TP53BP1: variants seen among roughly 807,000 people sequenced by gnomAD.
TP53BP1 encodes the protein tumor protein p53 binding protein 1, also known as TP53-binding protein 1.
TP53BP1 carries 61 observed loss-of-function variants against 200.8 expected under a neutral mutation model. The ratio of observed to expected loss-of-function variants is 0.30; its 90% CI spans 0.25 to 0.38. The LOEUF (loss-of-function observed/expected upper bound fraction) is 0.38. TP53BP1 is among the 10% of genes least tolerant of loss of function. The probability of loss-of-function intolerance (pLI) is 1.00; values close to 1 mark genes in which losing one functional copy is unlikely to be tolerated. For missense variants in TP53BP1, 2,144 were observed against 2,371.9 expected (o/e 0.90, Z 2.00); for synonymous variants, 822 against 844.3 (o/e 0.97, Z 0.46).
chr15:43,465,543 T>C (rs1042613610), intron 11 of TP53BP1, among the ~76,000 whole-genome samples: 2 of 151,806 alleles, frequency 1.3e-5, no homozygotes, highest in East Asian at 1.9e-4. Flanking sequence ...GATAGTCCAT[T>C]AAAAAAAGAA....
intron 1 of TP53BP1, among the ~76,000 whole-genome samples, chr15:43,499,601 GCTAA>G (rs1311407740): frequency 6.6e-6 from 1 of 152,138 alleles, no homozygotes; most frequent in African/African-American, 2.4e-5. Flanking sequence ...GAGCTAGTGT[GCTAA>G]CTAACAAGTG....
At chr15:43,485,660 A>G (rs187927582) in intron 4 of TP53BP1, among the ~76,000 whole-genome samples, 271 of 150,554 alleles carry the variant, frequency 1.8e-3, no homozygotes, top group African/African-American at 6.5e-3. Context: ...CTGGCCAACA[A>G]GGTGAAACCC....
intron 12 of TP53BP1, among the ~76,000 whole-genome samples, chr15:43,448,270 C>CA (rs915722453): frequency 1.3e-5 from 2 of 152,234 alleles, no homozygotes; most frequent in South Asian, 2.1e-4. Context: ...AGAAAACCGT[C>CA]AAAAAATCAC....
intron 18 of TP53BP1, among the ~76,000 whole-genome samples, chr15:43,425,841 G>A (rs982534187): frequency 3.3e-5 from 5 of 152,074 alleles, no homozygotes; most frequent in African/African-American, 4.8e-5. Context: ...TGAGGCAGGC[G>A]GATCACGAGG....
chr15:43,461,233 T>A (rs1258759624), intron 11 of TP53BP1, among the ~76,000 whole-genome samples: 1 of 149,726 alleles, frequency 6.7e-6, no homozygotes, highest in Non-Finnish European at 1.5e-5. Flanking sequence ...ATTTTATTTT[T>A]TTTTTGAGAC....
intron 12 of TP53BP1, among the ~76,000 whole-genome samples, chr15:43,454,296 C>T (rs2046241905): frequency 6.6e-6 from 1 of 152,112 alleles, no homozygotes; most frequent in South Asian, 2.1e-4. Context: ...TTCATTTCAT[C>T]CTAAAAACTT....
chr15:43,458,046 TAA>T (rs1347825937), intron 11 of TP53BP1, among the ~76,000 whole-genome samples: 3 of 151,788 alleles, frequency 2.0e-5, no homozygotes. Context: ...ATACTAATAA[TAA>T]TAAATAAAAT....
In TP53BP1 at chr15:43,427,300, G is replaced by C. The variant is rs184103812; in HGVS notation, c.3828+716C>G. 7.2e-5 allele frequency among the ~76,000 whole-genome samples: 11 copies of C among 152,318 alleles called. No individual in the cohort carries two copies. In the East Asian group the frequency reaches 1.9e-3, roughly 27 times the overall value. On this transcript the variant is annotated intron_variant, in intron 18 of 27. Transcript: ENST00000382044. Reference sequence around the variant, plus strand: ...ACCAACAGGTCTATGACCACACACAGATAGTGACAAATAAAGAACAGAATG... The same window carrying C: ...ACCAACAGGTCTATGACCACACACACATAGTGACAAATAAAGAACAGAATG...
Position 43,409,703 on chromosome 15 carries a change from C to G in TP53BP1, c.5344G>C (p.Glu1782Gln). ...EIPPFNKQYT[E>Q]SQLRAGAGYI... ...CCAGCTCCTGCTCGAAGCTGGGATTCTGTATACTGCTTGTTGAAAGGAGGA... is the reference window on the plus strand; with the variant it reads ...CCAGCTCCTGCTCGAAGCTGGGATTGTGTATACTGCTTGTTGAAAGGAGGA... The change falls in exon 25 of 28, where the codon GAA (glutamate) becomes CAA (glutamine). Residue 1782 changes from glutamate to glutamine, a missense_variant. Glu to Gln is a conservative substitution (Grantham distance 29, BLOSUM62 2). Around this residue, in one of 4 missense-constraint regions of TP53BP1, gnomAD observed 334 missense variants for 453.4 expected, o/e 0.74. Coordinates refer to ENST00000382044, the MANE Select transcript of TP53BP1 (RefSeq NM_001141980.3). The G allele has an allele frequency of 1.3e-6, 2 of 1,571,196 alleles. No homozygotes were observed. Among genetic ancestry groups the G allele is most frequent in the Non-Finnish European group, 1.7e-6 (2 of 1,161,292 alleles).
At chr15:43,408,311 C>G in intron 26 of TP53BP1, 2 of 448,466 alleles carry the variant, frequency 4.5e-6, no homozygotes, top group African/African-American at 2.0e-5. Context: ...GACCCCATCT[C>G]TACAAAAGAC....
intron 18 of TP53BP1, among the ~76,000 whole-genome samples, chr15:43,423,178 C>T (rs1259015567): frequency 6.7e-6 from 1 of 148,636 alleles, no homozygotes; most frequent in Non-Finnish European, 1.5e-5. Flanking sequence ...GGCTAAATCC[C>T]AGACTTAGTG....
At chr15:43,479,341 C>A in intron 7 of TP53BP1, 56 bp downstream of exon 7, 1 of 1,480,144 alleles carries the variant, frequency 6.8e-7, no homozygotes, top group African/African-American at 1.4e-5. Context: ...GGTAAAATGA[C>A]ATTAGTATAA....
At chr15:43,409,871 C>A in intron 24 of TP53BP1, 130 bp from the exon 25 acceptor site, 1 of 462,424 alleles carries the variant, frequency 2.2e-6, no homozygotes, top group Non-Finnish European at 3.8e-6. Context: ...AAAGACAGGC[C>A]AAGGGCTTCC....
chr15:43,438,550 G>C lies in TP53BP1; in HGVS notation c.3099-134C>G, dbSNP rs1225359619. Reference sequence around the variant, plus strand: ...ACTCCAAACCACCTTACACCAAAATGCAAATTCTCCATACTTGTTTTGAAT... The same window carrying C: ...ACTCCAAACCACCTTACACCAAAATCCAAATTCTCCATACTTGTTTTGAAT... On this transcript the variant is annotated intron_variant, in intron 15 of 27. Coordinates refer to ENST00000382044, the MANE Select transcript of TP53BP1 (RefSeq NM_001141980.3). The C allele has an allele frequency of 1.1e-5, 7 of 617,632 alleles. No homozygotes were observed. The African/African-American group carries it at 1.3e-4, about 12-fold the overall frequency. 38.3% of individuals were successfully genotyped at this position (617,632 alleles called of 1,614,324 possible).
In TP53BP1 at chr15:43,407,958, T is replaced by C; in HGVS notation, c.5731A>G (p.Ser1911Gly). Residue 1911 changes from serine to glycine, a missense_variant, in exon 27 of 28, where the codon AGT (serine) becomes GGT (glycine). Around this residue, in one of 4 missense-constraint regions of TP53BP1, gnomAD observed 334 missense variants for 453.4 expected, o/e 0.74. Coordinates refer to ENST00000382044, the MANE Select transcript of TP53BP1 (RefSeq NM_001141980.3). ...GAASVKQHHSSAHNKDIALGV... is the reference protein window; with the variant it reads ...GAASVKQHHSGAHNKDIALGV... Reference sequence around the variant, plus strand: ...TTTCAGGTACCTTTGTTATGGGCACTTGAATGGTGCTGCTTCACAGAGGCT... The same window carrying C: ...TTTCAGGTACCTTTGTTATGGGCACCTGAATGGTGCTGCTTCACAGAGGCT... 1 of 1,613,186 alleles carries C rather than the reference T, an allele frequency of 6.2e-7. No individual in the cohort carries two copies. Among genetic ancestry groups the C allele is most frequent in the East Asian group, 2.2e-5 (1 of 44,870 alleles).
chr15:43,503,584 G>A (rs1008748497), intron 1 of TP53BP1, among the ~76,000 whole-genome samples: 7 of 152,208 alleles, frequency 4.6e-5, no homozygotes, highest in Middle Eastern at 3.4e-3. Flanking sequence ...GTTTGAACCC[G>A]GGAGGCGGAG....
chr15:43,418,180 TA>T (rs757250428), intron 21 of TP53BP1, among the ~76,000 whole-genome samples: 2,584 of 100,342 alleles, frequency 0.026, 55 homozygotes, highest in African/African-American at 0.077. Flanking sequence ...GCTCTGTTTT[TA>T]AAAAAAAAAA....
chr15:43,499,867 T>C (rs533963830), intron 1 of TP53BP1, among the ~76,000 whole-genome samples: 2 of 152,228 alleles, frequency 1.3e-5, no homozygotes, highest in South Asian at 2.1e-4. Context: ...GAATTTACAA[T>C]CTAGGAAGGA....
At chr15:43,486,503 G>A (rs904034791) in intron 4 of TP53BP1, among the ~76,000 whole-genome samples, 2 of 152,164 alleles carry the variant, frequency 1.3e-5, no homozygotes, top group African/African-American at 4.8e-5. Flanking sequence ...AGTATTAGAG[G>A]TAGGAAGATA....
Sources: allele counts gnomAD v4.1 joint callset (sites outside exome capture counted in the v4.1 genomes callset), GRCh38; gene constraint gnomAD v4.1.1; regional missense constraint gnomAD v4.1.1; transcripts MANE v1.5; gene names NCBI Gene and HGNC (gene_info 2026-07-23, HGNC 2026-07-21).